SPATA13: variants seen among roughly 807,000 people sequenced by gnomAD.
SPATA13 encodes spermatogenesis-associated protein 13.
SPATA13 carries 50 observed loss-of-function variants against 104.0 expected under a neutral mutation model. That is an observed-to-expected ratio of 0.48 (90% CI 0.38 to 0.61). SPATA13 has a LOEUF of 0.61. Ranked by LOEUF, SPATA13 falls within the 20% of genes least tolerant of loss-of-function variation. SPATA13 has a pLI of 0.00. For synonymous variants in SPATA13, 606 were observed against 667.5 expected, an observed-to-expected ratio of 0.91 and a Z score of 1.42; for missense variants, 1,524 against 1,690.6, an observed-to-expected ratio of 0.90 and a Z score of 1.73.
chr13:24,081,340 T>C (rs1338881153), intron 3 of SPATA13, among the ~76,000 whole-genome samples: 1 of 151,754 alleles, frequency 6.6e-6, no homozygotes, highest in Non-Finnish European at 1.5e-5. Context: ...TTTTATTATC[T>C]TTTTTTCCCA....
At chr13:24,209,340 GTTTTTGTTGAAAC>G (rs1484019370) in intron 1 of SPATA13, among the ~76,000 whole-genome samples, 1 of 152,130 alleles carries the variant, frequency 6.6e-6, no homozygotes, top group Non-Finnish European at 1.5e-5. Context: ...AAAGGTCAGC[GTTTTTGTTGAAAC>G]TAGATTGCTG....
At chr13:24,278,544 C>A in intron 4 of SPATA13, 1 of 1,123,188 alleles carries the variant, frequency 8.9e-7, no homozygotes. Context: ...TTCCAAAGTG[C>A]TGGGATTACA....
At chr13:24,092,669 A>G (rs1223613829) in intron 3 of SPATA13, among the ~76,000 whole-genome samples, 1 of 152,242 alleles carries the variant, frequency 6.6e-6, no homozygotes, top group Non-Finnish European at 1.5e-5. Context: ...CTTTGCCTCT[A>G]AAAACATATT....
intron 3 of SPATA13, among the ~76,000 whole-genome samples, chr13:24,148,154 A>G (rs9318347): frequency 0.47 from 71,832 of 151,964 alleles, 17,996 homozygotes; most frequent in Admixed American, 0.59. Context: ...CATATTTTTA[A>G]AAGACATTCC....
intron 2 of SPATA13, 52 bp downstream of exon 2, chr13:24,224,634 A>G (rs1325923791): frequency 6.6e-7 from 1 of 1,526,312 alleles, no homozygotes; most frequent in Non-Finnish European, 8.8e-7. Context: ...GCGGGAAGGG[A>G]GCTTGCACAG....
chr13:24,168,137 C>T (rs953116043), intron 1 of SPATA13, among the ~76,000 whole-genome samples: 3 of 152,164 alleles, frequency 2.0e-5, no homozygotes, highest in African/African-American at 7.2e-5. Context: ...AATCAAACTC[C>T]ATGCAGCAAT....
chr13:24,129,806 A>ATGG (rs1420714619), intron 3 of SPATA13, among the ~76,000 whole-genome samples: 1 of 152,228 alleles, frequency 6.6e-6, no homozygotes, highest in Non-Finnish European at 1.5e-5. Flanking sequence ...CAGTCCCTGT[A>ATGG]TGGTGAGTGC....
chr13:24,133,343 C>T (rs551699962), intron 3 of SPATA13, among the ~76,000 whole-genome samples: 1 of 152,144 alleles, frequency 6.6e-6, no homozygotes, highest in Non-Finnish European at 1.5e-5. Flanking sequence ...AATAGTGGCT[C>T]CTGGGACATT....
Position 24,077,018 on chromosome 13 carries a change from G to T in SPATA13, c.-112+59317G>T, listed in dbSNP as rs985607559. Among the ~76,000 whole-genome samples the T allele has an allele frequency of 1.9e-4, 29 of 152,086 alleles. No individual in the cohort carries two copies. In the South Asian group the frequency reaches 5.8e-3, roughly 31 times the overall value. On this transcript the variant is annotated intron_variant, in intron 3 of 14. Transcript: ENST00000424834. ...TCATATGTTGTTGAGGGGACCCTGG[G>T]TTTCTTAACGAGCCAGTTTTCATTA... is the stretch of plus-strand genomic sequence containing the variant.
chr13:24,156,998 C>A (rs777604119), upstream of SPATA13, among the ~76,000 whole-genome samples: 19 of 152,176 alleles, frequency 1.2e-4, no homozygotes, highest in Non-Finnish European at 2.6e-4. Context: ...ATATTACTGA[C>A]AAAATCATCT....
chr13:24,025,275 A>G (rs1877162220), intron 3 of SPATA13, among the ~76,000 whole-genome samples: 3 of 152,050 alleles, frequency 2.0e-5, no homozygotes, highest in Admixed American at 2.0e-4. Flanking sequence ...AACCATGCTG[A>G]TACTTAAATT....
intron 1 of SPATA13, among the ~76,000 whole-genome samples, chr13:24,170,263 A>G (rs1261175350): frequency 6.6e-6 from 1 of 152,234 alleles, no homozygotes; most frequent in Non-Finnish European, 1.5e-5. Context: ...GCCTGCTGTG[A>G]TTAATGAAAT....
chr13:24,104,252 GT>G (rs1299827595), intron 3 of SPATA13, among the ~76,000 whole-genome samples: 104 of 146,656 alleles, frequency 7.1e-4, no homozygotes, highest in African/African-American at 2.5e-3. Flanking sequence ...TTTTTTTTTT[GT>G]TTTTTGGGTT....
At chr13:24,294,140 G>A (rs565550144) in intron 9 of SPATA13, among the ~76,000 whole-genome samples, 130 of 152,272 alleles carry the variant, frequency 8.5e-4, no homozygotes, top group Non-Finnish European at 1.2e-3. Context: ...GCTTGGGAGC[G>A]GGGCCCTCCT....
chr13:24,122,417 C>T, intron 3 of SPATA13: 1 of 1,591,952 alleles, frequency 6.3e-7, no homozygotes, highest in Non-Finnish European at 8.6e-7. Context: ...GTCTCTTCCG[C>T]ATCATCTTCT....
Position 24,289,001 on chromosome 13 carries a change from C to G in SPATA13, c.2670C>G (p.Gly890=), listed in dbSNP as rs1229562008. The change falls in exon 8 of 13, where the codon GGC becomes GGG. Residue 890 remains glycine (G), a splice_region_variant and synonymous_variant. Coordinates refer to ENST00000382108, the MANE Select transcript of SPATA13 (RefSeq NM_001166271.3). The part of the protein sequence containing the change: ...YIKHLRDICE[G]YIRQCRKHTG... The stretch of plus-strand genomic sequence containing the variant: ...AGTATTACTTCTGTATTTTGCAGGG[C>G]TATATCCGACAGTGCCGCAAGCACA... 1.2e-6 allele frequency: 2 copies of G among 1,600,654 alleles called. No individual in the cohort carries two copies. Among genetic ancestry groups the G allele is most frequent in the African/African-American group, 1.4e-5 (1 of 73,908 alleles).
chr13:24,073,847 A>C (rs976418), intron 3 of SPATA13, among the ~76,000 whole-genome samples: 140,285 of 152,278 alleles, frequency 0.92, 64,895 homozygotes, highest in South Asian at 0.99. Context: ...AATATTCAGG[A>C]AGGCTGTGAA....
intron 9 of SPATA13, among the ~76,000 whole-genome samples, chr13:24,292,555 G>A (rs949762194): frequency 1.3e-5 from 2 of 152,156 alleles, no homozygotes; most frequent in African/African-American, 2.4e-5. Flanking sequence ...AAGAGGAAGA[G>A]GGAAGGGATT....
At position 24,068,438 on chromosome 13, in the gene SPATA13, T is replaced by C. The variant is rs1312242838; in HGVS notation, c.-112+50737T>C. ...TTGTTAATTAGTGCTGTGCTGAACA[T>C]ACACGTGCTTGTGTCTTTATAATAG... On this transcript the variant is annotated intron_variant, in intron 3 of 14. Transcript: ENST00000424834. Among the ~76,000 whole-genome samples, 16 of 152,222 alleles carry C rather than the reference T, an allele frequency of 1.1e-4. 1 individual carries two copies. The highest frequency in any genetic ancestry group is 6.5e-4 in the Admixed American group (10 of 15,272).
Sources: allele counts gnomAD v4.1 joint callset (sites outside exome capture counted in the v4.1 genomes callset), GRCh38; gene constraint gnomAD v4.1.1; transcripts MANE v1.5; gene names NCBI Gene and HGNC (gene_info 2026-07-23, HGNC 2026-07-21).